ITPR2: variants seen among roughly 807,000 people sequenced by gnomAD.
The protein encoded by ITPR2 is inositol 1,4,5-trisphosphate-gated calcium channel ITPR2.
ITPR2 carries 207 observed loss-of-function variants against 317.1 expected under a neutral mutation model. That is an observed-to-expected ratio of 0.65 (90% confidence interval 0.58 to 0.73). The LOEUF (loss-of-function observed/expected upper bound fraction) is 0.73. Among genes scored for constraint, ITPR2 ranks in the 30% least tolerant of loss-of-function variants. ITPR2 has a pLI of 0.00. For synonymous variants in ITPR2, 1,156 were observed against 1,149.1 expected, an observed-to-expected ratio of 1.01 and a Z score of -0.12; for missense variants, 2,613 against 3,284.0, an observed-to-expected ratio of 0.80 and a Z score of 4.99.
At chr12:26,502,332 C>T (rs1161481523) in intron 37 of ITPR2, among the ~76,000 whole-genome samples, 1 of 152,164 alleles carries the variant, frequency 6.6e-6, no homozygotes, top group East Asian at 1.9e-4. Flanking sequence ...AAGCAGTCTT[C>T]TGACTTTAAG....
intron 54 of ITPR2, among the ~76,000 whole-genome samples, chr12:26,398,505 C>A (rs1180927343): frequency 6.6e-6 from 1 of 152,192 alleles, no homozygotes; most frequent in Non-Finnish European, 1.5e-5. Context: ...GTTCAAGATG[C>A]TGAAAAATCA....
At chr12:26,372,722 T>C (rs1939222004) in intron 55 of ITPR2, among the ~76,000 whole-genome samples, 1 of 152,238 alleles carries the variant, frequency 6.6e-6, no homozygotes, top group Non-Finnish European at 1.5e-5. Context: ...TAAAATGGGT[T>C]ATCTTATTAT....
intron 55 of ITPR2, among the ~76,000 whole-genome samples, chr12:26,341,270 T>C (rs573567446): frequency 2.6e-5 from 4 of 152,340 alleles, no homozygotes; most frequent in African/African-American, 9.6e-5. Flanking sequence ...TCTTTGTCTC[T>C]GTCTACTCAC....
intron 54 of ITPR2, among the ~76,000 whole-genome samples, chr12:26,390,417 T>C (rs1442633683): frequency 1.3e-5 from 2 of 152,194 alleles, no homozygotes; most frequent in East Asian, 1.9e-4. Context: ...GATAATTTTT[T>C]ACAATAAAAA....
chr12:26,605,126 A>AAAAAATATATAT lies in ITPR2; in HGVS notation c.3463-2421_3463-2420insATATATATTTTT, dbSNP rs1555165395. On this transcript the variant is annotated intron_variant, in intron 26 of 56. Transcript: ENST00000381340. ...ATAAAAATAAAAAATAAAAAATAAA[A>AAAAAATATATAT]ATATATATATATATATGAGAAAGTG... Among the ~76,000 whole-genome samples the AAAAAATATATAT allele has an allele frequency of 1.5e-5, 2 of 136,314 alleles. 1 individual carries two copies. The highest frequency in any genetic ancestry group is 1.5e-4 in the Admixed American group (2 of 13,764). The allele number at this position is 136,314 out of a possible 152,430, so 89.4% of individuals were successfully genotyped here. A position where few individuals can be genotyped will look rare whatever the true frequency, so the allele number is the denominator to read the frequency against.
At chr12:26,531,568 A>G (rs968314196) in intron 37 of ITPR2, among the ~76,000 whole-genome samples, 1 of 152,106 alleles carries the variant, frequency 6.6e-6, no homozygotes, top group African/African-American at 2.4e-5. Context: ...TTCCAGAATA[A>G]TGTATCTCAG....
chr12:26,771,909 T>G (rs548865314), intron 2 of ITPR2, among the ~76,000 whole-genome samples: 1 of 152,280 alleles, frequency 6.6e-6, no homozygotes, highest in East Asian at 1.9e-4. Flanking sequence ...ATACCTCATA[T>G]TGCTGTAAAA....
intron 9 of ITPR2, among the ~76,000 whole-genome samples, chr12:26,696,294 C>T (rs562457930): frequency 1.1e-4 from 16 of 152,190 alleles, no homozygotes; most frequent in African/African-American, 3.6e-4. Flanking sequence ...AGTCTCAAAG[C>T]GATTCTTAGT....
intron 23 of ITPR2, 152 bp from the exon 24 acceptor site, chr12:26,624,508 G>A (rs929920355): frequency 6.1e-5 from 35 of 576,424 alleles, no homozygotes; most frequent in Non-Finnish European, 2.8e-5. Context: ...ATTTTAAAAT[G>A]GGCAAAAGAT....
At chr12:26,576,221 T>C (rs1024455355) in intron 34 of ITPR2, among the ~76,000 whole-genome samples, 1 of 152,158 alleles carries the variant, frequency 6.6e-6, no homozygotes, top group African/African-American at 2.4e-5. Flanking sequence ...TTGAAAGTAA[T>C]ATATTAGCAG....
rs766147125 is a variant in ITPR2 at position 26,481,114 on chromosome 12, C to T, written c.6123+17G>A. On this transcript the variant is annotated intron_variant, in intron 43 of 56. Coordinates refer to ENST00000381340, the MANE Select transcript of ITPR2 (RefSeq NM_002223.4). The stretch of plus-strand genomic sequence containing the variant: ...GAGACTGTAGCTTTTCTGGCCTGAA[C>T]AGTGGAATCGCTCTACCTTTAGCTG... The T allele has an allele frequency of 2.7e-6, 4 of 1,457,726 alleles. No homozygotes were observed. In the South Asian group the frequency reaches 4.6e-5, roughly 17 times the overall value. 90.3% of individuals were successfully genotyped at this position (1,457,726 alleles called of 1,614,324 possible).
intron 37 of ITPR2, among the ~76,000 whole-genome samples, chr12:26,524,793 A>G (rs1186609459): frequency 6.6e-6 from 1 of 152,238 alleles, no homozygotes. Flanking sequence ...AATAAATAGC[A>G]TAATACTACA....
chr12:26,567,969 T>TTATATATATTATATA (rs1945028226), intron 34 of ITPR2, among the ~76,000 whole-genome samples: 2 of 14,404 alleles, frequency 1.4e-4, no homozygotes, highest in East Asian at 1.7e-3. Flanking sequence ...TATATATATA[T>TTATATATATTATATA]TATATATATT....
rs1413293405 is a variant in ITPR2, at chr12:26,339,599, A to G, written c.8020-116T>C. Reference sequence around the variant, plus strand: ...AACTACCTACTGTCCAGCATCATATAGAATATATTTATCAAAAAAGGGATT... The same window carrying G: ...AACTACCTACTGTCCAGCATCATATGGAATATATTTATCAAAAAAGGGATT... On this transcript the variant is annotated intron_variant, in intron 56 of 56. Coordinates refer to ENST00000381340, the MANE Select transcript of ITPR2 (RefSeq NM_002223.4). The G allele has an allele frequency of 2.8e-5, 19 of 684,490 alleles. 1 individual carries two copies. Among genetic ancestry groups the G allele is most frequent in the South Asian group, 2.2e-4 (12 of 53,414 alleles). 42.4% of individuals were successfully genotyped at this position (684,490 alleles called of 1,614,324 possible).
chr12:26,504,088 A>T (rs1384481342), intron 37 of ITPR2, among the ~76,000 whole-genome samples: 1 of 152,268 alleles, frequency 6.6e-6, no homozygotes, highest in African/African-American at 2.4e-5. Flanking sequence ...ACATGTACAA[A>T]GCAGAATTCT....
chr12:26,768,024 C>G (rs1949755276), intron 2 of ITPR2, among the ~76,000 whole-genome samples: 1 of 152,154 alleles, frequency 6.6e-6, no homozygotes, highest in Non-Finnish European at 1.5e-5. Flanking sequence ...TTCCTGATTT[C>G]TAATTACTTT....
At chr12:26,712,450 T>A (rs1274643509) in intron 8 of ITPR2, among the ~76,000 whole-genome samples, 2 of 152,186 alleles carry the variant, frequency 1.3e-5, no homozygotes, top group African/African-American at 4.8e-5. Context: ...CTTGAGGTCT[T>A]ACAAAACACT....
At chr12:26,447,116 T>C (rs2036435) in intron 45 of ITPR2, among the ~76,000 whole-genome samples, 149,700 of 152,122 alleles carry the variant, frequency 0.98, 73,703 homozygotes, top group East Asian at 1. Flanking sequence ...TTCTCAGCAC[T>C]AAAAACAGAA....
In ITPR2 at chr12:26,658,140, G is replaced by T. The variant is rs1055618446; in HGVS notation, c.1887-10C>A. The T allele has an allele frequency of 2.0e-6, 3 of 1,526,548 alleles. No homozygotes were observed. Among genetic ancestry groups the T allele is most frequent in the East Asian group, 4.7e-5 (2 of 42,516 alleles). The allele number at this position is 1,526,548 out of a possible 1,614,324, so 94.6% of individuals were successfully genotyped here. The stretch of plus-strand genomic sequence containing the variant: ...CAAATAATCCAAAAACCTGGCAAAA[G>T]AAAAAAATTAAATGGAATATGAAGA... On this transcript the variant is annotated splice_polypyrimidine_tract_variant and intron_variant, in intron 16 of 56. Coordinates refer to ENST00000381340, the MANE Select transcript of ITPR2 (RefSeq NM_002223.4).
Sources: gnomAD v4.1 joint callset for allele counts (sites outside exome capture counted in the v4.1 genomes callset) on GRCh38, gnomAD v4.1.1 for gene constraint, MANE v1.5 for transcripts, NCBI Gene and HGNC (gene_info 2026-07-23, HGNC 2026-07-21) for gene names.